Variants in SGSM2 observed in about 807,000 individuals in gnomAD.
SGSM2 encodes the protein RUN and TBC1 domain containing 1.
Under a neutral mutation model 126.6 loss-of-function variants are expected in SGSM2, and 89 were observed. The observed-to-expected ratio is 0.70, with a 90% CI of 0.59 to 0.84. The LOEUF (loss-of-function observed/expected upper bound fraction) is 0.84. SGSM2 is among the 40% of genes least tolerant of loss of function. SGSM2 has a pLI of 0.00. For synonymous variants in SGSM2, 614 were observed against 574.3 expected, an observed-to-expected ratio of 1.07 and a Z score of -0.99; for missense variants, 1,404 against 1,416.6, an observed-to-expected ratio of 0.99 and a Z score of 0.14.
chr17:2,366,974 C>T (rs2065617133), intron 11 of SGSM2: 1 of 340,444 alleles, frequency 2.9e-6, no homozygotes, highest in Non-Finnish European at 5.4e-6. Flanking sequence ...GCTGCCAGCC[C>T]ATCCCAGACA....
rs568823480 is a variant in SGSM2 at position 2,348,578 on chromosome 17, T to G, written c.133+4958T>G. Among the ~76,000 whole-genome samples, 4 of 152,184 alleles carry G rather than the reference T, an allele frequency of 2.6e-5. No homozygotes were observed. The South Asian group carries it at 8.3e-4, about 32-fold the overall frequency. On this transcript the variant is annotated intron_variant, in intron 2 of 23. Coordinates refer to ENST00000268989, the MANE Select transcript of SGSM2 (RefSeq NM_014853.3). ...ATGGGGATGTTCATAGCTGGGACTT[T>G]GGGGTCACACAGACCTGGGTTCACA...
chr17:2,365,020 G>C lies in SGSM2; in HGVS notation c.1124G>C (p.Gly375Ala). 6.2e-7 allele frequency: 1 copy of C among 1,613,440 alleles called. No homozygotes were observed. Among genetic ancestry groups the C allele is most frequent in the Non-Finnish European group, 8.5e-7 (1 of 1,179,982 alleles). The change falls in exon 10 of 24, where the codon GGA becomes GCA. Residue 375 changes from glycine (G) to alanine (A), a missense_variant. Coordinates refer to ENST00000268989, the MANE Select transcript of SGSM2 (RefSeq NM_014853.3). Reference protein sequence around the residue: ...SCLENGLLPRGQLEPPLWTQQ... With the variant: ...SCLENGLLPRAQLEPPLWTQQ... ...CTGGAGAATGGGCTGCTGCCTCGGGGACAGCTAGAGCCCCCGCTGTGGACC... is the reference window on the plus strand; with the variant it reads ...CTGGAGAATGGGCTGCTGCCTCGGGCACAGCTAGAGCCCCCGCTGTGGACC...
At position 2,371,308 on chromosome 17, in the gene SGSM2, A is replaced by G. The variant is rs765276336; in HGVS notation, c.1470A>G (p.Pro490=). ...TGCAGGGCTTTGGGCCCAGCCTGCCAGCCTGGCACCTGGAGCCCCTGTGCA... is the reference window on the plus strand; with the variant it reads ...TGCAGGGCTTTGGGCCCAGCCTGCCGGCCTGGCACCTGGAGCCCCTGTGCA... ...IEMQGFGPSL[P]AWHLEPLCSQ... is the part of the protein sequence containing the mutation. The change falls in exon 13 of 24, where the codon CCA becomes CCG. Residue 490 remains proline, a synonymous_variant. Transcript: ENST00000268989. The G allele has an allele frequency of 5.8e-5, 93 of 1,612,552 alleles. No individual in the cohort carries two copies. The highest frequency in any genetic ancestry group is 7.8e-5 in the Non-Finnish European group (92 of 1,179,906).
intron 11 of SGSM2, chr17:2,366,829 G>A (rs1159578409): frequency 6.5e-6 from 1 of 154,694 alleles, no homozygotes; most frequent in Admixed American, 6.4e-5. Context: ...AGGGAAGAAG[G>A]TGGAATTTAT....
rs2065410063 is a variant in SGSM2, at chr17:2,363,430, C to T, written c.673-35C>T. On this transcript the variant is annotated intron_variant, in intron 6 of 23. Coordinates refer to ENST00000268989, the MANE Select transcript of SGSM2 (RefSeq NM_014853.3). The surrounding 1 kb of genome is among the most constrained non-coding windows in gnomAD (Gnocchi z 4.2). ...TTCCCAAGCCTTGAGGCCAGTTTCC[C>T]AAGGCTGGAGGCTGAGCCCCGGCCT... 3 of 1,610,898 alleles carry T rather than the reference C, an allele frequency of 1.9e-6. No homozygotes were observed. Among genetic ancestry groups the T allele is most frequent in the South Asian group, 1.1e-5 (1 of 91,008 alleles).
chr17:2,338,790 A>ATATATATATATAT (rs753835631), intron 1 of SGSM2, among the ~76,000 whole-genome samples: 6 of 73,176 alleles, frequency 8.2e-5, no homozygotes, highest in South Asian at 6.4e-4. Flanking sequence ...TATATATATA[A>ATATATATATATAT]CCTCACGCCT....
intron 2 of SGSM2, among the ~76,000 whole-genome samples, chr17:2,347,321 G>A (rs1039653061): frequency 7.9e-5 from 12 of 151,782 alleles, no homozygotes; most frequent in Non-Finnish European, 1.3e-4. Context: ...TGGCCAGGCT[G>A]GTCTCGAACT....
rs369781576 is a variant in SGSM2 at position 2,371,083 on chromosome 17, C to T, written c.1424-179C>T. Among the ~76,000 whole-genome samples the T allele has an allele frequency of 2.0e-4, 31 of 152,330 alleles. No individual in the cohort carries two copies. The East Asian group carries it at 2.5e-3, about 12-fold the overall frequency. On this transcript the variant is annotated intron_variant, in intron 12 of 23. Coordinates refer to ENST00000268989, the MANE Select transcript of SGSM2 (RefSeq NM_014853.3). ...TTGCTGGAGGCTAGGAAGTGTCAGG[C>T]GCCCTCTCTCCCTACCGTTTCCATC...
Position 2,380,435 on chromosome 17 carries a change from C to T in SGSM2, c.*915C>T, listed in dbSNP as rs1376617969. 3.5e-6 allele frequency: 3 copies of T among 849,534 alleles called. No individual in the cohort carries two copies. The highest frequency in any genetic ancestry group is 2.1e-5 in the Admixed American group (1 of 48,710). The allele number at this position is 849,534 out of a possible 1,614,324, so 52.6% of individuals were successfully genotyped here. On this transcript the variant is annotated 3_prime_UTR_variant, in exon 24 of 24. Transcript: ENST00000268989. The stretch of plus-strand genomic sequence containing the variant: ...AGTTCGAGGGCAGCCCATTATCTGT[C>T]GCAGACATCTGCCATGTCCCTGAGA...
At chr17:2,345,813 G>A (rs1251168853) in intron 2 of SGSM2, among the ~76,000 whole-genome samples, 1 of 152,108 alleles carries the variant, frequency 6.6e-6, no homozygotes, top group Non-Finnish European at 1.5e-5. Context: ...TACAGACAGA[G>A]AAATCCTTAT....
At chr17:2,374,593 AAAAAAG>A (rs2066038599) in intron 17 of SGSM2, 1 of 152,204 alleles carries the variant, frequency 6.6e-6, no homozygotes, top group Non-Finnish European at 1.5e-5. Flanking sequence ...ATAAAATAAA[AAAAAAG>A]AAATAGAACA....
At chr17:2,344,516 C>T (rs2064508430) in intron 2 of SGSM2, among the ~76,000 whole-genome samples, 1 of 152,176 alleles carries the variant, frequency 6.6e-6, no homozygotes, top group Admixed American at 6.5e-5. Context: ...CCCTTCCCCT[C>T]ATCCAGCAGC....
chr17:2,373,173 C>G, intron 16 of SGSM2, 92 bp downstream of exon 16: 1 of 1,568,222 alleles, frequency 6.4e-7, no homozygotes, highest in Non-Finnish European at 8.6e-7. Context: ...AGCCCCTTCC[C>G]AGCCGGAAAG....
At position 2,367,056 on chromosome 17, in the gene SGSM2, A is replaced by G. The variant is rs1355795420; in HGVS notation, c.1289-215A>G. On this transcript the variant is annotated intron_variant, in intron 11 of 23. Coordinates refer to ENST00000268989, the MANE Select transcript of SGSM2 (RefSeq NM_014853.3). The surrounding 1 kb of genome is among the most constrained non-coding windows in gnomAD (Gnocchi z 4.0). ...CTTCCTAGAGAGGCTGCCTCCGAAG[A>G]GTGAGGTTCTGCAGCTGCCCCAGCC... The G allele has an allele frequency of 1.8e-6, 1 of 546,324 alleles. No individual in the cohort carries two copies. The highest frequency in any genetic ancestry group is 3.3e-6 in the Non-Finnish European group (1 of 306,950). The allele number at this position is 546,324 out of a possible 1,614,324, so 33.8% of individuals were successfully genotyped here.
At chr17:2,377,340 CG>C (rs1438037284) in intron 21 of SGSM2, 1 of 359,188 alleles carries the variant, frequency 2.8e-6, no homozygotes. Context: ...AAAAATTAGC[CG>C]GGCGTGGTGG....
chr17:2,360,433 C>T (rs2065262336), intron 2 of SGSM2, among the ~76,000 whole-genome samples: 1 of 152,236 alleles, frequency 6.6e-6, no homozygotes, highest in South Asian at 2.1e-4. Context: ...CTCTCCAGTG[C>T]ACCCTCTTCC....
chr17:2,372,775 T>A lies in SGSM2; in HGVS notation c.1789-178T>A. 1 of 890,898 alleles carries A rather than the reference T, an allele frequency of 1.1e-6. No individual in the cohort carries two copies. The highest frequency in any genetic ancestry group is 2.7e-5 in the East Asian group (1 of 37,326). 55.2% of individuals were successfully genotyped at this position (890,898 alleles called of 1,614,324 possible). A position where few individuals can be genotyped will look rare whatever the true frequency, so the allele number is the denominator to read the frequency against. ...CTTAAGGAAGGAGAGCAGAACGAGA[T>A]CTCATCCCACTGTGAGCTGGGGCAC... On this transcript the variant is annotated intron_variant, in intron 15 of 23. Coordinates refer to ENST00000268989, the MANE Select transcript of SGSM2 (RefSeq NM_014853.3). This position sits in a 1 kb window ranked among gnomAD's most constrained non-coding sequence, Gnocchi z 6.0.
In SGSM2 at chr17:2,344,858, C is replaced by G. The variant is rs563884638; in HGVS notation, c.133+1238C>G. On this transcript the variant is annotated intron_variant, in intron 2 of 23. Coordinates refer to ENST00000268989, the MANE Select transcript of SGSM2 (RefSeq NM_014853.3). Reference sequence around the variant, plus strand: ...CTCAGTTTGCTCCTCTAAAAACAGACTGATGATTCCCACCTCAAGGAACTT... The same window carrying G: ...CTCAGTTTGCTCCTCTAAAAACAGAGTGATGATTCCCACCTCAAGGAACTT... 9.9e-5 allele frequency among the ~76,000 whole-genome samples: 15 copies of G among 152,260 alleles called. 1 individual carries two copies. The South Asian group carries it at 3.1e-3, about 32-fold the overall frequency.
chr17:2,371,564 G>A (rs776596139), intron 13 of SGSM2, 149 bp downstream of exon 13: 4 of 917,786 alleles, frequency 4.4e-6, no homozygotes, highest in South Asian at 1.7e-5. Flanking sequence ...TGCTACCCAC[G>A]TGACTTACAA....
Sources: allele counts gnomAD v4.1 joint callset (sites outside exome capture counted in the v4.1 genomes callset), GRCh38; gene constraint gnomAD v4.1.1; non-coding constraint Gnocchi (gnomAD v3.1); transcripts MANE v1.5; gene names NCBI Gene and HGNC (gene_info 2026-07-23, HGNC 2026-07-21).